The following UBE2E2 variants were observed in gnomAD, a reference collection of about 807,000 sequenced individuals.
UBE2E2 encodes ubiquitin-conjugating enzyme E2 E2.
In UBE2E2, 6 loss-of-function variants were observed where a neutral mutation model predicts 24.7. The ratio of observed to expected loss-of-function variants is 0.24; its 90% CI spans 0.13 to 0.48. UBE2E2 has a LOEUF of 0.48. Ranked by LOEUF, UBE2E2 falls within the 20% of genes least tolerant of loss-of-function variation. The pLI is 0.99. For synonymous variants in UBE2E2, 104 were observed against 83.6 expected (o/e 1.24, Z -1.33); for missense variants, 169 against 245.0 (o/e 0.69, Z 2.07).
chr3:23,566,697 A>C (rs1031807891), intron 5 of UBE2E2, among the ~76,000 whole-genome samples: 1 of 151,780 alleles, frequency 6.6e-6, no homozygotes, highest in Non-Finnish European at 1.5e-5. Context: ...TCTCATTACC[A>C]CTCATTACTG....
intron 3 of UBE2E2, among the ~76,000 whole-genome samples, chr3:23,246,674 A>C (rs1697416163): frequency 6.6e-6 from 1 of 150,960 alleles, no homozygotes; most frequent in Admixed American, 6.6e-5. Context: ...ACTGCACCTG[A>C]CCAGTAAAGA....
intron 3 of UBE2E2, among the ~76,000 whole-genome samples, chr3:23,495,057 G>C (rs1039348525): frequency 6.6e-6 from 1 of 152,144 alleles, no homozygotes; most frequent in Non-Finnish European, 1.5e-5. Flanking sequence ...TTACAGGCTA[G>C]TTTTATGTGC....
intron 3 of UBE2E2, among the ~76,000 whole-genome samples, chr3:23,312,166 G>C (rs879356594): frequency 6.6e-5 from 10 of 152,102 alleles, no homozygotes; most frequent in Non-Finnish European, 1.0e-4. Context: ...GAAGCCTCCT[G>C]AGGCCTCCCC....
intron 2 of UBE2E2, among the ~76,000 whole-genome samples, chr3:23,211,988 C>T (rs940191571): frequency 2.6e-5 from 4 of 152,142 alleles, no homozygotes; most frequent in Middle Eastern, 3.4e-3. Flanking sequence ...ACTCAGATGC[C>T]GTAATTAAAT....
chr3:23,248,008 G>A (rs1167689239), intron 3 of UBE2E2, among the ~76,000 whole-genome samples: 8 of 152,324 alleles, frequency 5.3e-5, no homozygotes, highest in East Asian at 1.9e-4. Context: ...TAGAAAGTCC[G>A]TTGCGTATAC....
intron 3 of UBE2E2, among the ~76,000 whole-genome samples, chr3:23,377,494 T>C (rs1286248447): frequency 6.6e-6 from 1 of 152,230 alleles, no homozygotes; most frequent in East Asian, 1.9e-4. Flanking sequence ...TGAAAGCCAG[T>C]GGCAGAGCCA....
chr3:23,292,121 G>T (rs1206541607), intron 3 of UBE2E2, among the ~76,000 whole-genome samples: 1 of 152,050 alleles, frequency 6.6e-6, no homozygotes, highest in Non-Finnish European at 1.5e-5. Flanking sequence ...GCCTCCCAAA[G>T]TGCTGAGATT....
chr3:23,250,665 G>A (rs1697550505), intron 3 of UBE2E2, among the ~76,000 whole-genome samples: 1 of 152,188 alleles, frequency 6.6e-6, no homozygotes, highest in Non-Finnish European at 1.5e-5. Flanking sequence ...CAAGAATTTA[G>A]TTTCAGAGAA....
chr3:23,376,944 C>T (rs970443576), intron 3 of UBE2E2, among the ~76,000 whole-genome samples: 3 of 152,096 alleles, frequency 2.0e-5, no homozygotes, highest in Non-Finnish European at 4.4e-5. Context: ...AGAAAACACT[C>T]CAGCTTCTTC....
chr3:23,301,234 C>CT (rs369299113), intron 3 of UBE2E2, among the ~76,000 whole-genome samples: 119 of 152,112 alleles, frequency 7.8e-4, no homozygotes, highest in African/African-American at 2.3e-3. Context: ...TTCGTATTTC[C>CT]TCCTGTAGCT....
intron 3 of UBE2E2, among the ~76,000 whole-genome samples, chr3:23,353,139 T>C (rs1422674476): frequency 1.3e-5 from 2 of 152,212 alleles, no homozygotes; most frequent in African/African-American, 4.8e-5. Context: ...AAAACCACCA[T>C]GATTATCTCA....
chr3:23,466,418 A>G (rs865792133), intron 3 of UBE2E2, among the ~76,000 whole-genome samples: 1 of 152,168 alleles, frequency 6.6e-6, no homozygotes, highest in Non-Finnish European at 1.5e-5. Context: ...GGCATTCTGT[A>G]ATGAAAACTT....
At chr3:23,441,742 A>G (rs1363538290) in intron 3 of UBE2E2, among the ~76,000 whole-genome samples, 1 of 152,096 alleles carries the variant, frequency 6.6e-6, no homozygotes, top group Non-Finnish European at 1.5e-5. Flanking sequence ...GCTTTATGCT[A>G]TTATTTTTGA....
rs145195106 is a variant in UBE2E2, at chr3:23,384,384, C to T, written c.228-115224C>T. On this transcript the variant is annotated intron_variant, in intron 3 of 5. Coordinates refer to ENST00000396703, the MANE Select transcript of UBE2E2 (RefSeq NM_152653.4). The stretch of plus-strand genomic sequence containing the variant: ...TCTCCATGTTTCCCAGGCTGGTCTC[C>T]AACTCCTGGTCTCAAGCAGTCTTGC... Among the ~76,000 whole-genome samples the T allele has an allele frequency of 5.7e-3, 870 of 151,558 alleles. 9 individuals carry two copies. Among genetic ancestry groups the T allele is most frequent in the African/African-American group, 0.02 (840 of 41,294 alleles).
At chr3:23,249,238 C>T (rs544860211) in intron 3 of UBE2E2, among the ~76,000 whole-genome samples, 1 of 151,234 alleles carries the variant, frequency 6.6e-6, no homozygotes, top group South Asian at 2.1e-4. Flanking sequence ...CACCACCACA[C>T]CCCAGCCTGG....
At position 23,589,448 on chromosome 3, in the gene UBE2E2, G is replaced by C. The variant is rs1037378718; in HGVS notation, c.509-286G>C. ...AAAAGAAAAAAAAAAAAACCAATAC[G>C]AGGGGAGCAAGGTGAGAAGTATGTG... On this transcript the variant is annotated intron_variant, in intron 5 of 5. Coordinates refer to ENST00000396703, the MANE Select transcript of UBE2E2 (RefSeq NM_152653.4). This position sits in a 1 kb window ranked among gnomAD's most constrained non-coding sequence, Gnocchi z 4.1. Among the ~76,000 whole-genome samples the C allele has an allele frequency of 1.3e-5, 2 of 151,480 alleles. No homozygotes were observed. The highest frequency in any genetic ancestry group is 2.9e-5 in the Non-Finnish European group (2 of 67,866).
chr3:23,560,508 G>A (rs111427136), intron 5 of UBE2E2, among the ~76,000 whole-genome samples: 3,184 of 151,916 alleles, frequency 0.021, 125 homozygotes, highest in African/African-American at 0.072. Context: ...GCTGTTGTGA[G>A]TAGTGCCACA....
intron 3 of UBE2E2, among the ~76,000 whole-genome samples, chr3:23,251,815 A>G (rs893527060): frequency 6.6e-6 from 1 of 152,232 alleles, no homozygotes; most frequent in African/African-American, 2.4e-5. Flanking sequence ...TCCAAAAAAC[A>G]TGGCTAGGGT....
intron 4 of UBE2E2, among the ~76,000 whole-genome samples, chr3:23,501,955 GCA>G (rs1241400241): frequency 6.6e-6 from 1 of 152,024 alleles, no homozygotes; most frequent in Non-Finnish European, 1.5e-5. Flanking sequence ...CAATTCAAAT[GCA>G]CATTTGATAG....
Sources: allele counts gnomAD v4.1 joint callset (sites outside exome capture counted in the v4.1 genomes callset), GRCh38; gene constraint gnomAD v4.1.1; non-coding constraint Gnocchi (gnomAD v3.1); transcripts MANE v1.5; gene names NCBI Gene and HGNC (gene_info 2026-07-23, HGNC 2026-07-21).